TMEM54: variants seen among roughly 807,000 people sequenced by gnomAD.
TMEM54 encodes beta-casein-like protein.
TMEM54 carries 21 observed loss-of-function variants against 21.3 expected under a neutral mutation model. The ratio of observed to expected loss-of-function variants is 0.99; its 90% confidence interval spans 0.70 to 1.42. TMEM54 has a LOEUF of 1.42. Among genes scored for constraint, TMEM54 ranks in the 40% most tolerant of loss-of-function variants. TMEM54 has a pLI of 0.00. For missense variants in TMEM54, 246 were observed against 294.0 expected, an observed-to-expected ratio of 0.84 and a Z score of 1.19; for synonymous variants, 109 against 125.0, an observed-to-expected ratio of 0.87 and a Z score of 0.86.
chr1:32,895,508 C>T lies in TMEM54; in HGVS notation c.459+47G>A, dbSNP rs1641568331. ...GAGGGTGGATTCCAAGAGCCCTTCC[C>T]ACCCGTGCGAGGGCCTGGTGCCCCT... On this transcript the variant is annotated intron_variant, in intron 4 of 5. Coordinates refer to ENST00000373463, the MANE Select transcript of TMEM54 (RefSeq NM_033504.4). This position sits in a 1 kb window ranked among gnomAD's most constrained non-coding sequence, Gnocchi z 5.8. 6.3e-7 allele frequency: 1 copy of T among 1,590,926 alleles called. No homozygotes were observed. Among genetic ancestry groups the T allele is most frequent in the South Asian group, 1.1e-5 (1 of 88,538 alleles).
rs1165608626 is a variant in TMEM54, at chr1:32,901,168, T to C, written c.16+55A>G. On this transcript the variant is annotated intron_variant, in intron 1 of 5. Transcript: ENST00000373463. The surrounding 1 kb of genome is among the most constrained non-coding windows in gnomAD (Gnocchi z 4.2). ...TCGGGTTCCGGGCTCAGTGCTCCGCTCCTGTGGGAGGGTTGGGGTGGTTCG... is the reference window on the plus strand; with the variant it reads ...TCGGGTTCCGGGCTCAGTGCTCCGCCCCTGTGGGAGGGTTGGGGTGGTTCG... The C allele has an allele frequency of 2.8e-6, 4 of 1,423,408 alleles. No individual in the cohort carries two copies. Among genetic ancestry groups the C allele is most frequent in the Non-Finnish European group, 3.7e-6 (4 of 1,071,796 alleles). The allele number at this position is 1,423,408 out of a possible 1,614,324, so 88.2% of individuals were successfully genotyped here.
intron 1 of TMEM54, among the ~76,000 whole-genome samples, chr1:32,900,187 C>T (rs1641694149): frequency 6.6e-6 from 1 of 152,164 alleles, no homozygotes; most frequent in Non-Finnish European, 1.5e-5. Context: ...GGCACGGTGC[C>T]AGCATGGGGC....
intron 1 of TMEM54, among the ~76,000 whole-genome samples, chr1:32,899,162 A>G (rs1247246337): frequency 2.6e-5 from 4 of 152,168 alleles, no homozygotes; most frequent in East Asian, 3.9e-4. Flanking sequence ...AAATCTGCCC[A>G]TAAGTCCTAG....
At position 32,897,109 on chromosome 1, in the gene TMEM54, T is replaced by C. The variant is rs796947677; in HGVS notation, c.210+1017A>G. 1.8e-4 allele frequency among the ~76,000 whole-genome samples: 28 copies of C among 152,288 alleles called. 2 individuals are homozygous for C. Among genetic ancestry groups the C allele is most frequent in the African/African-American group, 6.3e-4 (26 of 41,562 alleles). On this transcript the variant is annotated intron_variant, in intron 2 of 5. Transcript: ENST00000373463. The surrounding 1 kb of genome is among the most constrained non-coding windows in gnomAD (Gnocchi z 4.9). ...ACCTCCTCGCCCTGAGCTCACTGCCTTCCCTGCCTTCCTCACAACAGTATT... is the reference window on the plus strand; with the variant it reads ...ACCTCCTCGCCCTGAGCTCACTGCCCTCCCTGCCTTCCTCACAACAGTATT...
chr1:32,895,233 G>A lies in TMEM54; in HGVS notation c.594+72C>T, dbSNP rs1641556917. On this transcript the variant is annotated intron_variant, in intron 5 of 5. Coordinates refer to ENST00000373463, the MANE Select transcript of TMEM54 (RefSeq NM_033504.4). The surrounding 1 kb of genome is among the most constrained non-coding windows in gnomAD (Gnocchi z 5.8). ...GTGGGGGCCCATACATAGGGGTGGG[G>A]CAGAGCAGCTTGGGCACCCTGGCAG... 3 of 1,542,428 alleles carry A rather than the reference G, an allele frequency of 1.9e-6. No individual in the cohort carries two copies. The highest frequency in any genetic ancestry group is 2.6e-6 in the Non-Finnish European group (3 of 1,138,662).
rs576451726 is a variant in TMEM54, at chr1:32,896,820, C to A, written c.211-851G>T. Among the ~76,000 whole-genome samples, 15 of 152,392 alleles carry A rather than the reference C, an allele frequency of 9.8e-5. No homozygotes were observed. The highest frequency in any genetic ancestry group is 2.6e-4 in the African/African-American group (11 of 41,598). The stretch of plus-strand genomic sequence containing the variant: ...TCTTTAGTTCACATGAGAGCCACAA[C>A]AGAGTGCCTCATCTCTGTGGGCTTA... On this transcript the variant is annotated intron_variant, in intron 2 of 5. Coordinates refer to ENST00000373463, the MANE Select transcript of TMEM54 (RefSeq NM_033504.4). The surrounding 1 kb of genome is among the most constrained non-coding windows in gnomAD (Gnocchi z 4.1).
chr1:32,899,391 GAAAAAA>G (rs11284140), intron 1 of TMEM54, among the ~76,000 whole-genome samples: 1 of 122,998 alleles, frequency 8.1e-6, no homozygotes, highest in East Asian at 2.3e-4. Flanking sequence ...CTCTGCAGCT[GAAAAAA>G]AAAAAAAAAA....
At chr1:32,898,048 C>T in intron 2 of TMEM54, 78 bp downstream of exon 2, 2 of 1,389,000 alleles carry the variant, frequency 1.4e-6, no homozygotes, top group Non-Finnish European at 2.0e-6. Flanking sequence ...ACCACAGGCT[C>T]TGGGTGGGGA....
In TMEM54 at chr1:32,895,853, G is replaced by A. The variant is rs751499949; in HGVS notation, c.270+57C>T. 4.4e-6 allele frequency: 7 copies of A among 1,586,658 alleles called. No individual in the cohort carries two copies. Among genetic ancestry groups the A allele is most frequent in the African/African-American group, 1.3e-5 (1 of 74,708 alleles). ...TCTCCAAGGAGGCCAGGCCCTTGGCGGGTGGCTGCTGCCCCTACCCTTCCC... is the reference window on the plus strand; with the variant it reads ...TCTCCAAGGAGGCCAGGCCCTTGGCAGGTGGCTGCTGCCCCTACCCTTCCC... On this transcript the variant is annotated intron_variant, in intron 3 of 5. Coordinates refer to ENST00000373463, the MANE Select transcript of TMEM54 (RefSeq NM_033504.4). The surrounding 1 kb of genome is among the most constrained non-coding windows in gnomAD (Gnocchi z 5.8).
chr1:32,894,991 A>G (rs1570029691), intron 5 of TMEM54, 112 bp from the exon 6 acceptor site: 4 of 1,501,628 alleles, frequency 2.7e-6, no homozygotes, highest in Non-Finnish European at 3.6e-6. Context: ...CTGGGGGCAA[A>G]GGGGCATCAC....
In TMEM54 at chr1:32,896,237, T is replaced by C; in HGVS notation, c.211-268A>G. The C allele has an allele frequency of 8.2e-6, 3 of 365,512 alleles. No homozygotes were observed. The highest frequency in any genetic ancestry group is 4.9e-6 in the Non-Finnish European group (1 of 203,302). 22.6% of individuals were successfully genotyped at this position (365,512 alleles called of 1,614,324 possible). A position where few individuals can be genotyped will look rare whatever the true frequency, so the allele number is the denominator to read the frequency against. On this transcript the variant is annotated intron_variant, in intron 2 of 5. Coordinates refer to ENST00000373463, the MANE Select transcript of TMEM54 (RefSeq NM_033504.4). This position sits in a 1 kb window ranked among gnomAD's most constrained non-coding sequence, Gnocchi z 4.1. ...AGCCTGTGTCTCAAGCAGGTTCATG[T>C]ATCCTGGGGCCACCGGGGCATGCCA...
In TMEM54 at chr1:32,900,850, G is replaced by A. The variant is rs551025998; in HGVS notation, c.16+373C>T. Among the ~76,000 whole-genome samples the A allele has an allele frequency of 2.6e-4, 39 of 152,328 alleles. 1 individual carries two copies. The highest frequency in any genetic ancestry group is 8.2e-4 in the African/African-American group (34 of 41,568). On this transcript the variant is annotated intron_variant, in intron 1 of 5. Coordinates refer to ENST00000373463, the MANE Select transcript of TMEM54 (RefSeq NM_033504.4). ...GTATGTAAGTGGGAGCCCCTTGTAA[G>A]GGTGGGGAAGCTGAGGCCTGGCCCC...
chr1:32,896,280 C>T lies in TMEM54; in HGVS notation c.211-311G>A, dbSNP rs2124044292. On this transcript the variant is annotated intron_variant, in intron 2 of 5. Coordinates refer to ENST00000373463, the MANE Select transcript of TMEM54 (RefSeq NM_033504.4). This position sits in a 1 kb window ranked among gnomAD's most constrained non-coding sequence, Gnocchi z 4.1. ...GCATGCCAGGGTATGCATGGGACACCCCTTTCTGGAATGAAAAAGATTGTG... is the reference window on the plus strand; with the variant it reads ...GCATGCCAGGGTATGCATGGGACACTCCTTTCTGGAATGAAAAAGATTGTG... 7.1e-6 allele frequency: 2 copies of T among 282,152 alleles called. No homozygotes were observed. The highest frequency in any genetic ancestry group is 1.0e-4 in the Admixed American group (2 of 19,490). The allele number at this position is 282,152 out of a possible 1,614,324, so 17.5% of individuals were successfully genotyped here.
Position 32,895,665 on chromosome 1 carries a change from C to T in TMEM54, c.349G>A (p.Ala117Thr), listed in dbSNP as rs34622520. ...TCALGLLASI[A>T]MTFATQGKAL... ...TTGCCCTGGGTGGCAAAGGTCATGG[C>T]GATGGAGGCCAAGAGGCCGAGGGCA... Residue 117 changes from alanine (A) to threonine (T), a missense_variant, in exon 4 of 6, where the codon GCC (alanine) becomes ACC (threonine). Physicochemically the swap from Ala to Thr is moderately conservative, Grantham distance 58. Coordinates refer to ENST00000373463, the MANE Select transcript of TMEM54 (RefSeq NM_033504.4). This position sits in a 1 kb window ranked among gnomAD's most constrained non-coding sequence, Gnocchi z 5.8. The T allele has an allele frequency of 4.7e-4, 733 of 1,562,732 alleles. 2 individuals are homozygous for T. Among genetic ancestry groups the T allele is most frequent in the Middle Eastern group, 4.0e-3 (24 of 5,996 alleles).
chr1:32,896,648 C>G lies in TMEM54; in HGVS notation c.211-679G>C, dbSNP rs937728740. Among the ~76,000 whole-genome samples, 2 of 152,254 alleles carry G rather than the reference C, an allele frequency of 1.3e-5. No individual in the cohort carries two copies. Among genetic ancestry groups the G allele is most frequent in the Admixed American group, 6.5e-5 (1 of 15,290 alleles). ...CCTCGATCCCAAGGGGTGGGGCTAC[C>G]CCACAGTTCAGCCCAACAGCTGCCC... On this transcript the variant is annotated intron_variant, in intron 2 of 5. Coordinates refer to ENST00000373463, the MANE Select transcript of TMEM54 (RefSeq NM_033504.4). The surrounding 1 kb of genome is among the most constrained non-coding windows in gnomAD (Gnocchi z 4.1).
rs530249266 is a variant in TMEM54 at position 32,896,572 on chromosome 1, C to T, written c.211-603G>A. On this transcript the variant is annotated intron_variant, in intron 2 of 5. Transcript: ENST00000373463. This position sits in a 1 kb window ranked among gnomAD's most constrained non-coding sequence, Gnocchi z 4.1. The stretch of plus-strand genomic sequence containing the variant: ...CCTCTCACCTTCCTGCTCCTCTGCC[C>T]GTGTGGATCCTGCAAGCCCTGCTCA... 1.3e-5 allele frequency among the ~76,000 whole-genome samples: 2 copies of T among 152,336 alleles called. No homozygotes were observed. The highest frequency in any genetic ancestry group is 3.9e-4 in the East Asian group (2 of 5,182).
rs1233318321 is a variant in TMEM54 at position 32,898,503 on chromosome 1, T to G, written c.17-184A>C. On this transcript the variant is annotated intron_variant, in intron 1 of 5. Transcript: ENST00000373463. ...ATCCATAAAAGGGGTTCGGGATGCCTTTGTGAGAATCCTTGGGACTCTAAG... is the reference window on the plus strand; with the variant it reads ...ATCCATAAAAGGGGTTCGGGATGCCGTTGTGAGAATCCTTGGGACTCTAAG... 5.6e-6 allele frequency: 3 copies of G among 535,604 alleles called. No individual in the cohort carries two copies. In the East Asian group the frequency reaches 8.6e-5, roughly 15 times the overall value. The allele number at this position is 535,604 out of a possible 1,614,324, so 33.2% of individuals were successfully genotyped here. A position where few individuals can be genotyped will look rare whatever the true frequency, so the allele number is the denominator to read the frequency against.
Position 32,901,243 on chromosome 1 carries a change from G to T in TMEM54, c.-5C>A, listed in dbSNP as rs539192037. The stretch of plus-strand genomic sequence containing the variant: ...CTCACCGAGGCGCAGACACATGTCG[G>T]CTCCGCGCTGGTCCCGCCCCCGGCT... On this transcript the variant is annotated 5_prime_UTR_variant, in exon 1 of 6. Coordinates refer to ENST00000373463, the MANE Select transcript of TMEM54 (RefSeq NM_033504.4). The surrounding 1 kb of genome is among the most constrained non-coding windows in gnomAD (Gnocchi z 4.2). 3 of 1,457,610 alleles carry T rather than the reference G, an allele frequency of 2.1e-6. No individual in the cohort carries two copies. Among genetic ancestry groups the T allele is most frequent in the South Asian group, 1.4e-5 (1 of 71,522 alleles). 90.3% of individuals were successfully genotyped at this position (1,457,610 alleles called of 1,614,324 possible).
At position 32,894,852 on chromosome 1, in the gene TMEM54, C is replaced by T. The variant is rs1348452490; in HGVS notation, c.622G>A (p.Gly208Ser). Residue 208 changes from glycine to serine, a missense_variant, in exon 6 of 6, where the codon GGC becomes AGC. Physicochemically the swap from Gly to Ser is moderately conservative, Grantham distance 56 (BLOSUM62 0). Transcript: ENST00000373463. Reference sequence around the variant, plus strand: ...CTGGTGCAGCTCAGCAGGTCACGGCCCTCCACCAGCTCTGGGTTCTCCCGC... The same window carrying T: ...CTGGTGCAGCTCAGCAGGTCACGGCTCTCCACCAGCTCTGGGTTCTCCCGC... ...MMRENPELVE[G>S]RDLLSCTSSE... The T allele has an allele frequency of 1.2e-6, 2 of 1,612,018 alleles. No homozygotes were observed. Among genetic ancestry groups the T allele is most frequent in the African/African-American group, 2.7e-5 (2 of 74,888 alleles).
Sources: gnomAD v4.1 joint callset for allele counts (sites outside exome capture counted in the v4.1 genomes callset) on GRCh38, gnomAD v4.1.1 for gene constraint, Gnocchi (gnomAD v3.1) non-coding constraint, MANE v1.5 for transcripts, NCBI Gene and HGNC (gene_info 2026-07-23, HGNC 2026-07-21) for gene names.